Variants in IFT80 observed in about 807,000 individuals in gnomAD.
The protein encoded by IFT80 is intraflagellar transport protein 80 homolog.
In IFT80, 79 loss-of-function variants were observed where a neutral mutation model predicts 107.9. The observed-to-expected ratio is 0.73, with a 90% CI of 0.61 to 0.88. The LOEUF is 0.88. Ranked by LOEUF, IFT80 falls within the 40% of genes least tolerant of loss-of-function variation. IFT80 has a pLI of 0.00. For missense variants in IFT80, 797 were observed against 914.2 expected (o/e 0.87, Z 1.65); for synonymous variants, 299 against 300.9 (o/e 0.99, Z 0.07).
chr3:160,367,299 T>G (rs1436708630), intron 5 of IFT80, among the ~76,000 whole-genome samples: 1 of 152,064 alleles, frequency 6.6e-6, no homozygotes, highest in South Asian at 2.1e-4. Flanking sequence ...TACCCAGCAA[T>G]GGAGTTATAG....
Position 160,277,594 on chromosome 3 carries a change from G to A in IFT80, c.1913C>T (p.Ala638Val), listed in dbSNP as rs751685555. Residue 638 changes from alanine (A) to valine (V), a missense_variant, in exon 17 of 20, where the codon GCA (alanine) becomes GTA (valine). Coordinates refer to ENST00000326448, the MANE Select transcript of IFT80 (RefSeq NM_020800.3). ...RDMTTAEIAY[A>V]AIGEIDKVQY... ...TTAATTACTTACTTCACCAATTGCT[G>A]CATAGGCTATTTCTGCAGTAGTCAT... 2 of 1,612,270 alleles carry A rather than the reference G, an allele frequency of 1.2e-6. No homozygotes were observed. Among genetic ancestry groups the A allele is most frequent in the African/African-American group, 1.3e-5 (1 of 74,884 alleles).
chr3:160,381,069 T>C (rs1712454614), intron 3 of IFT80, among the ~76,000 whole-genome samples: 1 of 151,120 alleles, frequency 6.6e-6, no homozygotes, highest in African/African-American at 2.4e-5. Context: ...ACCCTGTCTC[T>C]ACAAAAAAAA....
chr3:160,390,888 AGATTGGG>A (rs1713332371), intron 1 of IFT80, among the ~76,000 whole-genome samples: 1 of 152,222 alleles, frequency 6.6e-6, no homozygotes, highest in African/African-American at 2.4e-5. Flanking sequence ...ACACGGGACC[AGATTGGG>A]GACTGGCTAA....
intron 18 of IFT80, among the ~76,000 whole-genome samples, chr3:160,276,744 C>G (rs1008708155): frequency 6.6e-6 from 1 of 152,172 alleles, no homozygotes; most frequent in Non-Finnish European, 1.5e-5. Flanking sequence ...TCTCTTGGTT[C>G]TTTTCTCTGC....
intron 8 of IFT80, among the ~76,000 whole-genome samples, chr3:160,351,751 A>C (rs1720725329): frequency 6.6e-6 from 1 of 151,498 alleles, no homozygotes; most frequent in Non-Finnish European, 1.5e-5. Context: ...ATAAAAGGAT[A>C]TATTACAGGG....
At position 160,320,156 on chromosome 3, in the gene IFT80, A is replaced by C. The variant is rs976587219; in HGVS notation, c.778-217T>G. On this transcript the variant is annotated intron_variant, in intron 8 of 19. Coordinates refer to ENST00000326448, the MANE Select transcript of IFT80 (RefSeq NM_020800.3). ...ACATCATGCTAAAACAGTGTATGAA[A>C]TATCTCAAGAACTGTAAAAAACCCA... The C allele has an allele frequency of 1.5e-4, 75 of 500,286 alleles. No homozygotes were observed. In the Admixed American group the frequency reaches 1.9e-3, roughly 13 times the overall value. The allele number at this position is 500,286 out of a possible 1,614,324, so 31.0% of individuals were successfully genotyped here.
intron 13 of IFT80, among the ~76,000 whole-genome samples, chr3:160,284,873 GATAC>G (rs765779173): frequency 3.4e-4 from 52 of 152,184 alleles, no homozygotes; most frequent in Non-Finnish European, 5.7e-4. Context: ...CAGTTTTGTT[GATAC>G]ATACACTAAA....
In IFT80 at chr3:160,319,805, C is replaced by G; in HGVS notation, c.912G>C (p.Glu304Asp). 6.2e-7 allele frequency: 1 copy of G among 1,613,062 alleles called. No homozygotes were observed. ...VFAHVVEQHW[E>D]WKNFQVTLTK... Reference sequence around the variant, plus strand: ...TTAATGTTACTTGAAAATTTTTCCACTCCCAATGTTGTTCCACCACATGTG... The same window carrying G: ...TTAATGTTACTTGAAAATTTTTCCAGTCCCAATGTTGTTCCACCACATGTG... The change falls in exon 9 of 20, where the codon GAG becomes GAC. Residue 304 changes from glutamate (E) to aspartate (D), a missense_variant. Physicochemically the swap from Glu to Asp is conservative, Grantham distance 45. Coordinates refer to ENST00000326448, the MANE Select transcript of IFT80 (RefSeq NM_020800.3).
chr3:160,305,634 G>A (rs1394150475), intron 10 of IFT80, among the ~76,000 whole-genome samples: 1 of 151,992 alleles, frequency 6.6e-6, no homozygotes, highest in Non-Finnish European at 1.5e-5. Context: ...AGCTATAAAT[G>A]CTGAATAGGA....
chr3:160,312,825 ATATATATATAATAAATGTATAT>A (rs1717440067), intron 9 of IFT80, among the ~76,000 whole-genome samples: 8 of 33,074 alleles, frequency 2.4e-4, no homozygotes, highest in African/African-American at 8.6e-4. Context: ...TAAATATATA[ATATATATATAATAAATGTATAT>A]TATATATAAA....
At chr3:160,300,380 T>C (rs1234216633) in intron 12 of IFT80, among the ~76,000 whole-genome samples, 1 of 152,106 alleles carries the variant, frequency 6.6e-6, no homozygotes, top group Non-Finnish European at 1.5e-5. Flanking sequence ...CATACTTATA[T>C]TTATTTATAA....
At chr3:160,333,531 A>T (rs1316296517) in intron 8 of IFT80, among the ~76,000 whole-genome samples, 1 of 152,068 alleles carries the variant, frequency 6.6e-6, no homozygotes, top group Non-Finnish European at 1.5e-5. Flanking sequence ...TATCTTTAAA[A>T]TTTTTTGTTT....
At chr3:160,340,748 T>C (rs1719831941) in intron 8 of IFT80, among the ~76,000 whole-genome samples, 1 of 152,218 alleles carries the variant, frequency 6.6e-6, no homozygotes, top group African/African-American at 2.4e-5. Flanking sequence ...TTATATTGGA[T>C]GACTGGATAA....
intron 13 of IFT80, among the ~76,000 whole-genome samples, chr3:160,283,817 A>G (rs964260014): frequency 6.6e-6 from 1 of 152,226 alleles, no homozygotes; most frequent in Non-Finnish European, 1.5e-5. Flanking sequence ...CCCCCACTTC[A>G]TTCAGCAGGG....
At chr3:160,301,684 CAGGGCTCTCTGTAGTTA>C (rs1420646447) in intron 11 of IFT80, among the ~76,000 whole-genome samples, 1 of 151,930 alleles carries the variant, frequency 6.6e-6, no homozygotes, top group Admixed American at 6.6e-5. Flanking sequence ...ATTTAAGGCA[CAGGGCTCTCTGTAGTTA>C]ATTTTTTATT....
At chr3:160,283,050 G>C (rs1407612841) in intron 13 of IFT80, among the ~76,000 whole-genome samples, 1 of 151,962 alleles carries the variant, frequency 6.6e-6, no homozygotes, top group Non-Finnish European at 1.5e-5. Flanking sequence ...ATGTGTCCAG[G>C]GCCTTAAATT....
chr3:160,378,924 C>T (rs1437484911), intron 3 of IFT80, among the ~76,000 whole-genome samples: 1 of 151,936 alleles, frequency 6.6e-6, no homozygotes, highest in African/African-American at 2.4e-5. Flanking sequence ...ATGACTCAGC[C>T]AAGAGTCATC....
intron 12 of IFT80, among the ~76,000 whole-genome samples, chr3:160,295,003 C>T (rs929426348): frequency 3.9e-5 from 6 of 152,196 alleles, no homozygotes; most frequent in Non-Finnish European, 7.3e-5. Flanking sequence ...TTGGGGAGAT[C>T]AGCTCCTGTA....
chr3:160,384,699 C>A, intron 1 of IFT80, 53 bp from the exon 2 acceptor site: 2 of 1,377,802 alleles, frequency 1.5e-6, no homozygotes, highest in Non-Finnish European at 2.0e-6. Flanking sequence ...AACAAATGTA[C>A]GTATACAAAC....
Sources: gnomAD v4.1 joint callset for allele counts (sites outside exome capture counted in the v4.1 genomes callset) on GRCh38, gnomAD v4.1.1 for gene constraint, MANE v1.5 for transcripts, NCBI Gene and HGNC (gene_info 2026-07-23, HGNC 2026-07-21) for gene names.